STXBP4: variants seen among roughly 807,000 people sequenced by gnomAD.
The protein encoded by STXBP4 is syntaxin binding protein 4.
Under a neutral mutation model 76.1 loss-of-function variants are expected in STXBP4, and 55 were observed. The observed-to-expected ratio is 0.72, with a 90% CI of 0.58 to 0.91. The LOEUF (loss-of-function observed/expected upper bound fraction) is 0.91. Among genes scored for constraint, STXBP4 ranks in the 40% least tolerant of loss-of-function variants. The pLI is 0.00. For missense variants in STXBP4, 618 were observed against 636.9 expected (o/e 0.97, Z 0.32); for synonymous variants, 201 against 220.2 (o/e 0.91, Z 0.77).
At chr17:54,970,794 C>T (rs191578985) in intron 1 of STXBP4, among the ~76,000 whole-genome samples, 1 of 152,256 alleles carries the variant, frequency 6.6e-6, no homozygotes, top group East Asian at 1.9e-4. Context: ...TCTTGGACTC[C>T]AGTATTTCAT....
intron 12 of STXBP4, among the ~76,000 whole-genome samples, chr17:55,052,455 G>T (rs961641949): frequency 6.6e-6 from 1 of 152,160 alleles, no homozygotes; most frequent in African/African-American, 2.4e-5. Flanking sequence ...TTTGCCTATA[G>T]TAGGATGTTG....
the STXBP4 span, among the ~76,000 whole-genome samples, chr17:55,205,618 G>T: frequency 7.5e-4 from 114 of 151,444 alleles, 1 homozygote; most frequent in Non-Finnish European, 1.4e-3. Flanking sequence ...TTACATAAAA[G>T]GTACTAGAAA....
intron 1 of STXBP4, among the ~76,000 whole-genome samples, chr17:54,977,873 GAATA>G (rs1391748030): frequency 1.3e-5 from 2 of 152,130 alleles, no homozygotes; most frequent in Admixed American, 6.5e-5. Context: ...TAGCTTTAGT[GAATA>G]AATAAATAGT....
chr17:54,984,878 C>T (rs1026915287), intron 1 of STXBP4, among the ~76,000 whole-genome samples: 1 of 149,710 alleles, frequency 6.7e-6, no homozygotes, highest in Non-Finnish European at 1.5e-5. Context: ...CCTCTTTTAC[C>T]AATTATCACC....
rs1451762612 is a variant in STXBP4, at chr17:55,072,963, G to A, written c.1075G>A (p.Ala359Thr). ...TAGTCGGATTCATCTTGCTGAAGCT[G>A]CTCAGAGACAGGCACATGGAATGGA... ...LRSRIHLAEA[A>T]QRQAHGMEMD... The change falls in exon 13 of 18, where the codon GCT becomes ACT. Residue 359 changes from alanine to threonine, a missense_variant. By Grantham distance (58) the Ala-to-Thr change is moderately conservative (BLOSUM62 0). Coordinates refer to ENST00000376352, the MANE Select transcript of STXBP4 (RefSeq NM_178509.6). The A allele has an allele frequency of 1.2e-6, 2 of 1,613,818 alleles. No individual in the cohort carries two copies. Among genetic ancestry groups the A allele is most frequent in the Non-Finnish European group, 1.7e-6 (2 of 1,179,910 alleles).
At chr17:55,100,402 A>G (rs1413935092) in intron 16 of STXBP4, among the ~76,000 whole-genome samples, 1 of 152,214 alleles carries the variant, frequency 6.6e-6, no homozygotes, top group African/African-American at 2.4e-5. Flanking sequence ...TTATAGCCTC[A>G]ATAAGGAAAA....
At chr17:54,987,509 T>G (rs1248714895) in intron 3 of STXBP4, among the ~76,000 whole-genome samples, 3 of 152,196 alleles carry the variant, frequency 2.0e-5, no homozygotes, top group Non-Finnish European at 4.4e-5. Flanking sequence ...ATCTTCCTTG[T>G]TTTTTGTTAT....
At chr17:55,212,991 C>T in the STXBP4 span, among the ~76,000 whole-genome samples, 1 of 152,140 alleles carries the variant, frequency 6.6e-6, no homozygotes, top group Non-Finnish European at 1.5e-5. Flanking sequence ...GTGAAAGTAG[C>T]TCCACTGGGG....
chr17:55,100,354 A>G (rs897452536), intron 16 of STXBP4, among the ~76,000 whole-genome samples: 8 of 152,214 alleles, frequency 5.3e-5, no homozygotes, highest in African/African-American at 1.7e-4. Flanking sequence ...TTGTAGGGTA[A>G]GAAATCCTAA....
chr17:55,007,339 C>CAAA (rs374486256), intron 7 of STXBP4, among the ~76,000 whole-genome samples, 167 bp from the exon 8 acceptor site: 1 of 120,654 alleles, frequency 8.3e-6, no homozygotes. Flanking sequence ...GTCCCCCCTC[C>CAAA]AAAAAAAAAA....
intron 4 of STXBP4, among the ~76,000 whole-genome samples, chr17:54,996,819 T>A (rs1290062168): frequency 6.6e-6 from 1 of 152,254 alleles, no homozygotes; most frequent in East Asian, 1.9e-4. Context: ...AATTAGGCTG[T>A]ATAGATGGTT....
At chr17:55,092,449 T>C (rs1216962565) in intron 16 of STXBP4, among the ~76,000 whole-genome samples, 3 of 152,252 alleles carry the variant, frequency 2.0e-5, no homozygotes, top group Non-Finnish European at 4.4e-5. Flanking sequence ...TTAGTAGGTC[T>C]CATTACTCTG....
intron 1 of STXBP4, among the ~76,000 whole-genome samples, chr17:54,984,379 G>C (rs1011348859): frequency 7.6e-4 from 90 of 118,424 alleles, no homozygotes; most frequent in East Asian, 7.7e-4. Flanking sequence ...GTCTGGCTCT[G>C]TCGCCCAGGC....
intron 10 of STXBP4, among the ~76,000 whole-genome samples, chr17:55,038,721 A>G (rs924528164): frequency 1.4e-5 from 2 of 143,272 alleles, no homozygotes; most frequent in Non-Finnish European, 2.9e-5. Context: ...ATAGCAGAAT[A>G]TAGTCCATCA....
At chr17:55,092,962 AC>A (rs1227159941) in intron 16 of STXBP4, among the ~76,000 whole-genome samples, 2 of 149,340 alleles carry the variant, frequency 1.3e-5, no homozygotes, top group African/African-American at 5.0e-5. Flanking sequence ...AAACAAAAAA[AC>A]ATTTTTTTTG....
chr17:55,100,583 A>G (rs993099115), intron 16 of STXBP4, among the ~76,000 whole-genome samples: 1 of 152,250 alleles, frequency 6.6e-6, no homozygotes, highest in African/African-American at 2.4e-5. Context: ...ACTTTGAAAA[A>G]TAAAGGTGAG....
At chr17:54,990,671 GA>G (rs1475019869) in intron 3 of STXBP4, among the ~76,000 whole-genome samples, 153 bp from the exon 4 acceptor site, 6 of 152,098 alleles carry the variant, frequency 3.9e-5, no homozygotes, top group Non-Finnish European at 1.5e-5. Flanking sequence ...CCCCACCTTG[GA>G]AAAATTGTCT....
At chr17:55,157,599 G>A (rs1488659472) in intron 17 of STXBP4, among the ~76,000 whole-genome samples, 2 of 152,192 alleles carry the variant, frequency 1.3e-5, no homozygotes, top group East Asian at 1.9e-4. Flanking sequence ...CCTGGGCCTT[G>A]TCACTTTCAC....
chr17:55,038,853 T>G (rs2078648218), intron 10 of STXBP4, among the ~76,000 whole-genome samples: 1 of 152,082 alleles, frequency 6.6e-6, no homozygotes, highest in South Asian at 2.1e-4. Flanking sequence ...TTAAGTCAAT[T>G]TAGTGGGCTG....
Sources: gnomAD v4.1 joint callset for allele counts (sites outside exome capture counted in the v4.1 genomes callset) on GRCh38, gnomAD v4.1.1 for gene constraint, MANE v1.5 for transcripts, NCBI Gene and HGNC (gene_info 2026-07-23, HGNC 2026-07-21) for gene names.